Variants in ZFAT observed in about 807,000 individuals in gnomAD.
ZFAT encodes the protein zinc finger protein ZFAT.
ZFAT carries 64 observed loss-of-function variants against 117.7 expected under a neutral mutation model. The ratio of observed to expected loss-of-function variants is 0.54; its 90% CI spans 0.44 to 0.67. The LOEUF (loss-of-function observed/expected upper bound fraction) is 0.67, where lower values mean the gene tolerates loss of function less well. Ranked by LOEUF, ZFAT falls within the 30% of genes least tolerant of loss-of-function variation. The probability of loss-of-function intolerance (pLI) is 0.00; values close to 1 mark genes in which losing one functional copy is unlikely to be tolerated. For synonymous variants in ZFAT, 679 were observed against 615.0 expected (o/e 1.10, Z -1.54); for missense variants, 1,433 against 1,584.5 (o/e 0.90, Z 1.62).
At chr8:134,783,583 A>T in the ZFAT span, 1 of 152,238 alleles carries the variant, frequency 6.6e-6, no homozygotes, top group Non-Finnish European at 1.5e-5. Context: ...TAGGATTTGC[A>T]GAACATACAG....
chr8:134,720,472 A>C, the ZFAT span, among the ~76,000 whole-genome samples: 1 of 152,228 alleles, frequency 6.6e-6, no homozygotes, highest in African/African-American at 2.4e-5. Context: ...CTTTGGCTGG[A>C]CTCCAAGAGT....
the ZFAT span, among the ~76,000 whole-genome samples, chr8:134,724,951 C>T: frequency 1.3e-5 from 2 of 152,172 alleles, no homozygotes; most frequent in African/African-American, 2.4e-5. Flanking sequence ...TGCTCTCCAC[C>T]GCAAGCTCAG....
chr8:134,800,761 A>C, the ZFAT span, among the ~76,000 whole-genome samples: 1 of 152,070 alleles, frequency 6.6e-6, no homozygotes, highest in Non-Finnish European at 1.5e-5. Flanking sequence ...GAAAAGGCAG[A>C]AGTGAGTTGG....
intron 15 of ZFAT, among the ~76,000 whole-genome samples, chr8:134,486,612 T>C (rs2130076999): frequency 6.6e-6 from 1 of 152,292 alleles, no homozygotes; most frequent in Middle Eastern, 3.4e-3. Context: ...GGCACTCCTG[T>C]TGTTCTCAGG....
the ZFAT span, among the ~76,000 whole-genome samples, chr8:134,828,442 T>C: frequency 6.6e-6 from 1 of 152,260 alleles, no homozygotes; most frequent in Non-Finnish European, 1.5e-5. Context: ...ACTTCTTGTA[T>C]GCCCTGATGC....
At chr8:134,573,172 T>C (rs140565591) in intron 10 of ZFAT, among the ~76,000 whole-genome samples, 177 of 152,288 alleles carry the variant, frequency 1.2e-3, no homozygotes, top group African/African-American at 4.0e-3. Flanking sequence ...TAAGCTGCAG[T>C]TACACAGGTG....
intron 15 of ZFAT, among the ~76,000 whole-genome samples, chr8:134,501,626 C>T (rs1418730661): frequency 6.6e-6 from 1 of 152,044 alleles, no homozygotes; most frequent in African/African-American, 2.4e-5. Flanking sequence ...TAATGTACCA[C>T]ACACGCACAG....
chr8:134,706,499 C>A (rs186001939), intron 1 of ZFAT, among the ~76,000 whole-genome samples: 33 of 152,274 alleles, frequency 2.2e-4, no homozygotes, highest in African/African-American at 7.5e-4. Context: ...CCAGACCAGC[C>A]TGGCCAACAT....
At chr8:134,801,812 G>A in the ZFAT span, among the ~76,000 whole-genome samples, 3 of 152,092 alleles carry the variant, frequency 2.0e-5, no homozygotes, top group Non-Finnish European at 4.4e-5. Context: ...GGATTTTTCT[G>A]TTTTACTTCA....
chr8:134,815,386 G>T, the ZFAT span, among the ~76,000 whole-genome samples: 1 of 152,100 alleles, frequency 6.6e-6, no homozygotes, highest in Non-Finnish European at 1.5e-5. Flanking sequence ...AAAATAAATT[G>T]TTTACCCTCA....
At chr8:134,488,528 C>T (rs1448256380) in intron 15 of ZFAT, among the ~76,000 whole-genome samples, 1 of 152,252 alleles carries the variant, frequency 6.6e-6, no homozygotes, top group Non-Finnish European at 1.5e-5. Flanking sequence ...CACCCACTCT[C>T]TGCTTTGGAG....
the ZFAT span, among the ~76,000 whole-genome samples, chr8:134,740,354 G>C: frequency 2.3e-4 from 35 of 152,330 alleles, no homozygotes; most frequent in African/African-American, 7.5e-4. Flanking sequence ...AATGGAAGGT[G>C]AAAGTGAACT....
intron 1 of ZFAT, among the ~76,000 whole-genome samples, chr8:134,670,399 T>A (rs1018203843): frequency 2.0e-5 from 3 of 152,242 alleles, no homozygotes; most frequent in Non-Finnish European, 2.9e-5. Context: ...TATAACAAAC[T>A]GTCTCTCAGA....
chr8:134,604,851 GGA>G (rs1187527414), intron 5 of ZFAT, among the ~76,000 whole-genome samples: 23 of 152,130 alleles, frequency 1.5e-4, no homozygotes, highest in Non-Finnish European at 1.5e-5. Context: ...AAAGTAATTT[GGA>G]TCTTTCTCAA....
upstream of ZFAT, among the ~76,000 whole-genome samples, chr8:134,717,485 T>A (rs1814225083): frequency 3.3e-5 from 3 of 90,330 alleles, no homozygotes; most frequent in African/African-American, 1.4e-4. Flanking sequence ...TTTTTTTTTT[T>A]TTTTTTTTTT....
At chr8:134,762,951 C>T in the ZFAT span, among the ~76,000 whole-genome samples, 3 of 152,142 alleles carry the variant, frequency 2.0e-5, no homozygotes, top group African/African-American at 7.2e-5. Context: ...AACTGCTGCT[C>T]AGCACTTCCT....
At chr8:134,648,555 A>AT (rs1488726709) in intron 2 of ZFAT, among the ~76,000 whole-genome samples, 6 of 152,100 alleles carry the variant, frequency 3.9e-5, no homozygotes, top group Non-Finnish European at 8.8e-5. Flanking sequence ...CAAATTAGAC[A>AT]ATCTAGACAA....
At chr8:134,663,603 G>C (rs957553797) in intron 1 of ZFAT, among the ~76,000 whole-genome samples, 7 of 151,956 alleles carry the variant, frequency 4.6e-5, no homozygotes, top group African/African-American at 1.5e-4. Context: ...CCGGGGGTGG[G>C]GGCATACACC....
At chr8:134,604,254 G>A (rs770571335) in intron 5 of ZFAT, among the ~76,000 whole-genome samples, 1 of 152,210 alleles carries the variant, frequency 6.6e-6, no homozygotes, top group Non-Finnish European at 1.5e-5. Flanking sequence ...GCCCCATGTT[G>A]TACAGTTAGT....
Sources: allele counts gnomAD v4.1 joint callset (sites outside exome capture counted in the v4.1 genomes callset), GRCh38; gene constraint gnomAD v4.1.1; transcripts MANE v1.5; gene names NCBI Gene and HGNC (gene_info 2026-07-23, HGNC 2026-07-21).